Variants in SLC22A25 observed in about 807,000 individuals in gnomAD.
SLC22A25 encodes the protein solute carrier family 22 member 25, also known as MGI:2442751, MGI:2385316, MGI:3042283, MGI:3645714, MGI:3605624, MGI:2442750.
A neutral mutation model predicts 45.9 loss-of-function variants in SLC22A25; 44 were observed. The ratio of observed to expected loss-of-function variants is 0.96; its 90% CI spans 0.75 to 1.23. The LOEUF is 1.23. Among genes scored for constraint, SLC22A25 ranks in the 50% most tolerant of loss-of-function variants. SLC22A25 has a pLI of 0.00. For missense variants in SLC22A25, 800 were observed against 666.4 expected (o/e 1.20, Z -2.21); for synonymous variants, 283 against 238.6 (o/e 1.19, Z -1.72).
At position 63,160,806 on chromosome 11, in the gene SLC22A25, T is replaced by C. The variant is rs2087527297; in HGVS notation, c.*3018A>G. On this transcript the variant is annotated 3_prime_UTR_variant, in exon 12 of 12. Transcript: ENST00000306494. ...GCATGGAAACCCACCTTTTGCATCA[T>C]TGTGACCCAAATGTGAGACATGCAG... 6.6e-6 allele frequency among the ~76,000 whole-genome samples: 1 copy of C among 152,162 alleles called. No individual in the cohort carries two copies. Among genetic ancestry groups the C allele is most frequent in the African/African-American group, 2.4e-5 (1 of 41,452 alleles).
chr11:63,177,278 A>C (rs1590795970), intron 9 of SLC22A25, among the ~76,000 whole-genome samples: 1 of 151,954 alleles, frequency 6.6e-6, no homozygotes, highest in Admixed American at 6.6e-5. Context: ...TGATATTTTG[A>C]TATATTCATA....
chr11:63,163,677 G>C lies in SLC22A25; in HGVS notation c.*147C>G. Reference sequence around the variant, plus strand: ...GGGCAGAGATGGTCTGTGTGATCTAGTGAGGCTCAGGGGATGTATGAGGTC... The same window carrying C: ...GGGCAGAGATGGTCTGTGTGATCTACTGAGGCTCAGGGGATGTATGAGGTC... On this transcript the variant is annotated 3_prime_UTR_variant, in exon 12 of 12. Transcript: ENST00000306494. The C allele has an allele frequency of 2.5e-6, 3 of 1,186,320 alleles. No homozygotes were observed. Among genetic ancestry groups the C allele is most frequent in the Non-Finnish European group, 3.5e-6 (3 of 862,190 alleles). 73.5% of individuals were successfully genotyped at this position (1,186,320 alleles called of 1,614,324 possible). A position where few individuals can be genotyped will look rare whatever the true frequency, so the allele number is the denominator to read the frequency against.
chr11:63,179,747 C>T (rs1474937207), intron 9 of SLC22A25, among the ~76,000 whole-genome samples: 1 of 152,154 alleles, frequency 6.6e-6, no homozygotes, highest in African/African-American at 2.4e-5. Flanking sequence ...GAGCTCCTTT[C>T]CCTCCTGAGG....
At chr11:63,228,272 T>G (rs1046696772) in intron 5 of SLC22A25, among the ~76,000 whole-genome samples, 189 bp downstream of exon 5, 1 of 152,212 alleles carries the variant, frequency 6.6e-6, no homozygotes, top group Non-Finnish European at 1.5e-5. Context: ...CTGTGTCTTG[T>G]GCACAGCACA....
chr11:63,193,430 G>A (rs1174157458), intron 7 of SLC22A25, among the ~76,000 whole-genome samples: 2 of 152,182 alleles, frequency 1.3e-5, no homozygotes, highest in Admixed American at 6.5e-5. Context: ...CCCCTGAGAC[G>A]AAGTTCCAGA....
At chr11:63,181,221 G>T (rs373425219) in intron 8 of SLC22A25, among the ~76,000 whole-genome samples, 1 of 152,014 alleles carries the variant, frequency 6.6e-6, no homozygotes, top group South Asian at 2.1e-4. Context: ...TTTGGTTCTT[G>T]TTTCAGAAAT....
chr11:63,235,019 A>G (rs1489861109), intron 3 of SLC22A25, among the ~76,000 whole-genome samples: 1 of 152,220 alleles, frequency 6.6e-6, no homozygotes, highest in Non-Finnish European at 1.5e-5. Context: ...TGTTAGTCTA[A>G]TGGGCTTCCC....
chr11:63,232,378 T>C (rs1027264334), intron 3 of SLC22A25, among the ~76,000 whole-genome samples: 3 of 152,190 alleles, frequency 2.0e-5, no homozygotes, highest in Non-Finnish European at 4.4e-5. Context: ...CCTAGGTATT[T>C]TATTCTCTTT....
rs2087534728 is a variant in SLC22A25, at chr11:63,161,676, G to A, written c.*2148C>T. Among the ~76,000 whole-genome samples, 1 of 152,180 alleles carries A rather than the reference G, an allele frequency of 6.6e-6. No individual in the cohort carries two copies. The highest frequency in any genetic ancestry group is 2.1e-4 in the South Asian group (1 of 4,832). ...TTTCGCCCTCCACCAGGATTGTGAG[G>A]CTTCACCAGCTATGTGGAACTGTGA... On this transcript the variant is annotated 3_prime_UTR_variant, in exon 12 of 12. Transcript: ENST00000306494.
intron 7 of SLC22A25, among the ~76,000 whole-genome samples, chr11:63,202,042 G>T (rs985726994): frequency 1.3e-5 from 2 of 152,140 alleles, no homozygotes; most frequent in African/African-American, 4.8e-5. Context: ...AGTGCAAGGG[G>T]TTGGGTAACT....
chr11:63,188,426 T>A (rs1429367401), intron 7 of SLC22A25, among the ~76,000 whole-genome samples: 1 of 152,176 alleles, frequency 6.6e-6, no homozygotes, highest in Non-Finnish European at 1.5e-5. Flanking sequence ...TCTATTTGAT[T>A]CTTCTCTCTT....
At chr11:63,232,423 G>A (rs571171942) in intron 3 of SLC22A25, among the ~76,000 whole-genome samples, 7 of 152,148 alleles carry the variant, frequency 4.6e-5, no homozygotes, top group South Asian at 4.1e-4. Flanking sequence ...CACATGATTC[G>A]GCTCTCTGTT....
chr11:63,219,847 G>T, intron 5 of SLC22A25: 1 of 1,115,184 alleles, frequency 9.0e-7, no homozygotes. Context: ...CTGGGTTACT[G>T]GACTGTTGGA....
At chr11:63,179,864 C>T (rs1039847261) in intron 9 of SLC22A25, among the ~76,000 whole-genome samples, 1 of 152,112 alleles carries the variant, frequency 6.6e-6, no homozygotes, top group African/African-American at 2.4e-5. Flanking sequence ...TCCAAATATG[C>T]CAGTTCCATC....
intron 5 of SLC22A25, among the ~76,000 whole-genome samples, chr11:63,224,077 A>T (rs1248239903): frequency 6.6e-6 from 1 of 152,054 alleles, no homozygotes; most frequent in Non-Finnish European, 1.5e-5. Context: ...AGCTATTATT[A>T]TATTGGGGCC....
At chr11:63,199,005 C>A (rs1345887384) in intron 7 of SLC22A25, among the ~76,000 whole-genome samples, 2 of 151,714 alleles carry the variant, frequency 1.3e-5, no homozygotes, top group African/African-American at 4.8e-5. Context: ...AACTAGAGAG[C>A]AAAGAGCAAA....
chr11:63,235,075 C>A (rs372251074), intron 3 of SLC22A25, among the ~76,000 whole-genome samples: 5 of 152,050 alleles, frequency 3.3e-5, no homozygotes, highest in East Asian at 1.9e-4. Context: ...AACATTTTTT[C>A]CTTCATTTCT....
chr11:63,214,413 G>T (rs2089657804), intron 7 of SLC22A25, among the ~76,000 whole-genome samples: 1 of 152,148 alleles, frequency 6.6e-6, no homozygotes, highest in Admixed American at 6.5e-5. Context: ...GGAATTAAAA[G>T]AAATTAAAGA....
rs926111045 is a variant in SLC22A25 at position 63,217,480 on chromosome 11, C to A, written c.664G>T (p.Val222Leu). 1.9e-6 allele frequency: 3 copies of A among 1,613,290 alleles called. No homozygotes were observed. The highest frequency in any genetic ancestry group is 2.5e-6 in the Non-Finnish European group (3 of 1,179,614). ...CAGAATTGGTGAGTTATCCACTCTA[C>A]AACTGAAAGAAAACACAAACAAGAT... Reference protein sequence around the residue: ...SIIVNTVLLIVEWITHQFCAM... With the variant: ...SIIVNTVLLILEWITHQFCAM... Residue 222 changes from valine to leucine, a missense_variant and splice_region_variant, in exon 7 of 12, where the codon GTA becomes TTA. By Grantham distance (32) the Val-to-Leu change is conservative. Transcript: ENST00000306494.
Sources: gnomAD v4.1 joint callset for allele counts (sites outside exome capture counted in the v4.1 genomes callset) on GRCh38, gnomAD v4.1.1 for gene constraint, MANE v1.5 for transcripts, NCBI Gene and HGNC (gene_info 2026-07-23, HGNC 2026-07-21) for gene names.